RNPC3: variants seen among roughly 807,000 people sequenced by gnomAD.
RNPC3 encodes the protein RNA-binding region-containing protein 3.
Under a neutral mutation model 67.5 loss-of-function variants are expected in RNPC3, and 48 were observed. That is an observed-to-expected ratio of 0.71 (90% CI 0.56 to 0.90). The LOEUF (loss-of-function observed/expected upper bound fraction) is 0.90, where lower values mean the gene tolerates loss of function less well. RNPC3 is among the 40% of genes least tolerant of loss of function. RNPC3 has a pLI of 0.00. For missense variants in RNPC3, 637 were observed against 626.1 expected, an observed-to-expected ratio of 1.02 and a Z score of -0.19; for synonymous variants, 239 against 210.3, an observed-to-expected ratio of 1.14 and a Z score of -1.18.
chr1:103,543,476 T>C, intron 9 of RNPC3, 29 bp downstream of exon 9: 2 of 1,378,412 alleles, frequency 1.5e-6, no homozygotes, highest in Non-Finnish European at 1.9e-6. Flanking sequence ...TTTCACATGC[T>C]GAAATCAACT....
chr1:103,554,785 G>T (rs1047575197), intron 14 of RNPC3: 31 of 152,472 alleles, frequency 2.0e-4, no homozygotes, highest in African/African-American at 7.0e-4. Flanking sequence ...TGAAAATTCG[G>T]TTATTATCAC....
chr1:103,544,671 G>A (rs1651201617), intron 9 of RNPC3, among the ~76,000 whole-genome samples: 1 of 151,590 alleles, frequency 6.6e-6, no homozygotes, highest in Admixed American at 6.6e-5. Context: ...GCCTTTTCAG[G>A]TAGCTCCTTT....
intron 12 of RNPC3, among the ~76,000 whole-genome samples, chr1:103,548,818 T>C (rs1651311521): frequency 6.6e-6 from 1 of 152,110 alleles, no homozygotes; most frequent in African/African-American, 2.4e-5. Flanking sequence ...GACTGGGCAA[T>C]TTACAAAGGA....
At position 103,526,214 on chromosome 1, in the gene RNPC3, G is replaced by A. The variant is rs751166106; in HGVS notation, c.144G>A (p.Lys48=). The change falls in exon 1 of 15, where the codon AAG becomes AAA. Residue 48 remains lysine (K), a synonymous_variant. Coordinates refer to ENST00000423855, the MANE Select transcript of RNPC3 (RefSeq NM_017619.4). Reference sequence around the variant, plus strand: ...CTGAGGAGAAAGAGGACTTGCTGAAGTACTTCGGGGCTCAGTCTGTGCGGG... The same window carrying A: ...CTGAGGAGAAAGAGGACTTGCTGAAATACTTCGGGGCTCAGTCTGTGCGGG... ...LTAEEKEDLL[K]YFGAQSVRVL... 8 of 1,551,266 alleles carry A rather than the reference G, an allele frequency of 5.2e-6. No individual in the cohort carries two copies. The highest frequency in any genetic ancestry group is 3.6e-5 in the South Asian group (3 of 84,032).
intron 14 of RNPC3, chr1:103,554,780 A>T (rs1284495458): frequency 6.6e-6 from 1 of 152,652 alleles, no homozygotes; most frequent in East Asian, 1.9e-4. Flanking sequence ...ACAATTGAAA[A>T]TTCGGTTATT....
intron 2 of RNPC3, among the ~76,000 whole-genome samples, chr1:103,531,025 T>C (rs940771958): frequency 1.3e-5 from 2 of 152,196 alleles, no homozygotes; most frequent in Non-Finnish European, 2.9e-5. Flanking sequence ...GTCCTCAAAG[T>C]CCATTGTATC....
At chr1:103,530,893 C>T (rs1363533223) in intron 2 of RNPC3, among the ~76,000 whole-genome samples, 2 of 152,126 alleles carry the variant, frequency 1.3e-5, no homozygotes, top group Non-Finnish European at 2.9e-5. Flanking sequence ...TGTTTAGTTA[C>T]ATGAATAAGT....
At chr1:103,526,878 AG>A (rs1186729690) in intron 1 of RNPC3, among the ~76,000 whole-genome samples, 1 of 152,238 alleles carries the variant, frequency 6.6e-6, no homozygotes, top group Non-Finnish European at 1.5e-5. Context: ...TCATTAAAAT[AG>A]GAATAGCGAT....
intron 7 of RNPC3, among the ~76,000 whole-genome samples, chr1:103,540,531 T>C (rs764669218): frequency 3.3e-5 from 5 of 152,174 alleles, no homozygotes; most frequent in Middle Eastern, 3.2e-3. Flanking sequence ...TTTCATAAAG[T>C]TTTTGGTAAA....
chr1:103,527,025 A>G (rs1216219432), intron 1 of RNPC3, among the ~76,000 whole-genome samples: 1 of 152,160 alleles, frequency 6.6e-6, no homozygotes. Flanking sequence ...CAAATTAAAA[A>G]AAAAAAATTA....
chr1:103,528,693 A>G (rs3922883), intron 2 of RNPC3, among the ~76,000 whole-genome samples: 102,385 of 151,954 alleles, frequency 0.67, 35,601 homozygotes, highest in African/African-American at 0.84. Context: ...AAAAATATTA[A>G]TGAGAGCTGA....
chr1:103,543,177 A>G (rs1651165909), intron 8 of RNPC3, 119 bp from the exon 9 acceptor site: 1 of 638,838 alleles, frequency 1.6e-6, no homozygotes, highest in Non-Finnish European at 2.3e-6. Context: ...TTGAATATCA[A>G]AAGTGTAGTG....
At chr1:103,550,657 AAAAG>A (rs1385416068) in intron 12 of RNPC3, among the ~76,000 whole-genome samples, 1 of 151,722 alleles carries the variant, frequency 6.6e-6, no homozygotes, top group African/African-American at 2.4e-5. Context: ...AAAAAAAAAA[AAAAG>A]AAGTTTGGTT....
intron 1 of RNPC3, 93 bp from the exon 2 acceptor site, chr1:103,527,602 A>G: frequency 1.1e-6 from 1 of 879,486 alleles, no homozygotes. Context: ...GATTTTATTA[A>G]CATGTCACAT....
intron 5 of RNPC3, 77 bp downstream of exon 5, chr1:103,535,518 AAGTAATCAGACTAAT>A (rs1389260641): frequency 3.5e-6 from 3 of 866,132 alleles, no homozygotes; most frequent in Non-Finnish European, 5.4e-6. Context: ...ATTCTCATAA[AAGTAATCAGACTAAT>A]TCTAGACAGC....
intron 14 of RNPC3, chr1:103,554,011 G>A (rs575927432): frequency 6.6e-6 from 1 of 152,306 alleles, no homozygotes; most frequent in East Asian, 1.9e-4. Flanking sequence ...TAATCACCAA[G>A]AACAGTGGTT....
At chr1:103,537,670 G>T (rs1178673542) in intron 7 of RNPC3, among the ~76,000 whole-genome samples, 186 bp downstream of exon 7, 4 of 152,024 alleles carry the variant, frequency 2.6e-5, no homozygotes, top group Non-Finnish European at 5.9e-5. Flanking sequence ...TAGATAACAA[G>T]ACCTAAGTGA....
chr1:103,547,043 A>G lies in RNPC3; in HGVS notation c.1361+8A>G. On this transcript the variant is annotated splice_region_variant and intron_variant, in intron 12 of 14. Coordinates refer to ENST00000423855, the MANE Select transcript of RNPC3 (RefSeq NM_017619.4). ...AGAAACACAGCGGATCATGTAAGTGACAGTAAAATACAATCTTCAATTATA... is the reference window on the plus strand; with the variant it reads ...AGAAACACAGCGGATCATGTAAGTGGCAGTAAAATACAATCTTCAATTATA... 7.0e-7 allele frequency: 1 copy of G among 1,425,486 alleles called. No homozygotes were observed. Among genetic ancestry groups the G allele is most frequent in the African/African-American group, 1.4e-5 (1 of 69,584 alleles). 88.3% of individuals were successfully genotyped at this position (1,425,486 alleles called of 1,614,324 possible). A position where few individuals can be genotyped will look rare whatever the true frequency, so the allele number is the denominator to read the frequency against.
chr1:103,534,670 A>G, intron 3 of RNPC3, 104 bp from the exon 4 acceptor site: 1 of 607,452 alleles, frequency 1.6e-6, no homozygotes, highest in South Asian at 2.1e-5. Context: ...TTTTTAATGA[A>G]GCTGTTTTTA....
Sources: gnomAD v4.1 joint callset for allele counts (sites outside exome capture counted in the v4.1 genomes callset) on GRCh38, gnomAD v4.1.1 for gene constraint, MANE v1.5 for transcripts, NCBI Gene and HGNC (gene_info 2026-07-23, HGNC 2026-07-21) for gene names.